AKR1C8: variants seen among roughly 807,000 people sequenced by gnomAD.
AKR1C8 encodes the protein aldo-keto reductase family 1 member C8.
chr10:5,152,676 G>T, the AKR1C8 span, among the ~76,000 whole-genome samples: 1 of 152,260 alleles, frequency 6.6e-6, no homozygotes, highest in African/African-American at 2.4e-5. Flanking sequence ...AGCAGATTAG[G>T]AGAGGGTCAG....
chr10:5,152,643 G>A, the AKR1C8 span, among the ~76,000 whole-genome samples: 12 of 152,160 alleles, frequency 7.9e-5, no homozygotes, highest in Non-Finnish European at 1.3e-4. Flanking sequence ...GGCTAGCCTT[G>A]GAGAAGAATG....
the AKR1C8 span, among the ~76,000 whole-genome samples, chr10:5,135,565 CATCT>C: frequency 6.9e-4 from 105 of 151,932 alleles, no homozygotes; most frequent in African/African-American, 2.1e-3. Flanking sequence ...TATCATCTAT[CATCT>C]ATCTATCTAT....
At chr10:5,170,030 G>A in the AKR1C8 span, among the ~76,000 whole-genome samples, 10 of 152,074 alleles carry the variant, frequency 6.6e-5, no homozygotes, top group East Asian at 1.9e-4. Context: ...AACAGGTACC[G>A]TCTTAATTAC....
the AKR1C8 span, among the ~76,000 whole-genome samples, chr10:5,161,323 G>C: frequency 6.6e-6 from 1 of 152,158 alleles, no homozygotes; most frequent in African/African-American, 2.4e-5. Flanking sequence ...CCGACTCAGA[G>C]AGTAAGGACA....
chr10:5,164,080 T>C, the AKR1C8 span, among the ~76,000 whole-genome samples: 16 of 152,138 alleles, frequency 1.1e-4, no homozygotes, highest in African/African-American at 3.9e-4. Flanking sequence ...CTAAGAATCA[T>C]CACTACAGCC....
At chr10:5,149,654 G>A in the AKR1C8 span, among the ~76,000 whole-genome samples, 1 of 152,088 alleles carries the variant, frequency 6.6e-6, no homozygotes, top group Non-Finnish European at 1.5e-5. Flanking sequence ...TCTTTCCAAG[G>A]CACTTTTATT....
the AKR1C8 span, among the ~76,000 whole-genome samples, chr10:5,131,717 A>G: frequency 8.5e-5 from 13 of 152,120 alleles, no homozygotes; most frequent in Non-Finnish European, 1.5e-4. Context: ...ATGTAGTGAA[A>G]AGAGAACACT....
chr10:5,157,003 C>A, the AKR1C8 span, among the ~76,000 whole-genome samples: 1 of 152,228 alleles, frequency 6.6e-6, no homozygotes, highest in South Asian at 2.1e-4. Flanking sequence ...TACAAGATAA[C>A]TTCACTCCTC....
At chr10:5,123,342 G>A in the AKR1C8 span, 1 of 287,096 alleles carries the variant, frequency 3.5e-6, no homozygotes, top group South Asian at 6.0e-5. Flanking sequence ...CGCTGCAGCT[G>A]GTAGCACAGA....
the AKR1C8 span, among the ~76,000 whole-genome samples, chr10:5,142,357 C>T: frequency 1.3e-5 from 2 of 152,152 alleles, no homozygotes; most frequent in African/African-American, 4.8e-5. Context: ...TTCGTATTCA[C>T]TGGAGTAGCA....
At chr10:5,156,009 A>T in the AKR1C8 span, among the ~76,000 whole-genome samples, 1 of 152,160 alleles carries the variant, frequency 6.6e-6, no homozygotes, top group East Asian at 1.9e-4. Context: ...GCACTCATCA[A>T]TCTAAAATAT....
At chr10:5,132,452 CTTTTATTTTAG>C in the AKR1C8 span, 3 of 669,026 alleles carry the variant, frequency 4.5e-6, no homozygotes, top group South Asian at 1.2e-4. Flanking sequence ...CATTTGCCGC[CTTTTATTTTAG>C]TTTTAATACA....
chr10:5,160,881 T>C, the AKR1C8 span: 4 of 471,148 alleles, frequency 8.5e-6, no homozygotes, highest in South Asian at 6.2e-5. Flanking sequence ...GCAGTAATTC[T>C]TTCCCAGGCT....
At chr10:5,162,370 C>T in the AKR1C8 span, among the ~76,000 whole-genome samples, 2 of 152,160 alleles carry the variant, frequency 1.3e-5, no homozygotes, top group Non-Finnish European at 2.9e-5. Flanking sequence ...AATAAATTAT[C>T]GATGTAAACA....
the AKR1C8 span, chr10:5,154,571 C>T: frequency 1.2e-5 from 2 of 166,280 alleles, no homozygotes; most frequent in Non-Finnish European, 2.6e-5. Context: ...AATGCATTCA[C>T]AGTCTCATAA....
At chr10:5,183,617 G>A in the AKR1C8 span, among the ~76,000 whole-genome samples, 5 of 151,764 alleles carry the variant, frequency 3.3e-5, no homozygotes, top group South Asian at 2.1e-4. Context: ...ACCACCATCC[G>A]ACAAAAAAAT....
At chr10:5,157,330 G>A in the AKR1C8 span, among the ~76,000 whole-genome samples, 1 of 151,664 alleles carries the variant, frequency 6.6e-6, no homozygotes. Flanking sequence ...GAAGGTGAAG[G>A]AGAAGAATCA....
the AKR1C8 span, chr10:5,159,856 G>A: frequency 2.0e-6 from 1 of 494,584 alleles, no homozygotes; most frequent in East Asian, 5.9e-5. Context: ...AAAAGTCAGA[G>A]AAGGTCCCGG....
chr10:5,142,349 C>T, the AKR1C8 span, among the ~76,000 whole-genome samples: 4 of 152,076 alleles, frequency 2.6e-5, no homozygotes, highest in Admixed American at 6.6e-5. Flanking sequence ...CTAACCATTT[C>T]GTATTCACTG....
Sources: allele counts gnomAD v4.1 joint callset (sites outside exome capture counted in the v4.1 genomes callset), GRCh38; gene constraint gnomAD v4.1.1; transcripts MANE v1.5; gene names NCBI Gene and HGNC (gene_info 2026-07-23, HGNC 2026-07-21).